Variants in BRD8 observed in about 807,000 individuals in gnomAD.
BRD8 encodes the protein bromodomain containing 8, also known as bromodomain-containing protein 8.
A neutral mutation model predicts 143.1 loss-of-function variants in BRD8; 67 were observed. The observed-to-expected ratio is 0.47, with a 90% confidence interval of 0.38 to 0.57. The LOEUF is 0.57. Among genes scored for constraint, BRD8 ranks in the 20% least tolerant of loss-of-function variants. The pLI is 0.00. For missense variants in BRD8, 1,103 were observed against 1,503.0 expected, an observed-to-expected ratio of 0.73 and a Z score of 4.40; for synonymous variants, 505 against 517.1, an observed-to-expected ratio of 0.98 and a Z score of 0.32.
At chr5:138,149,835 T>C in intron 22 of BRD8, 38 bp from the exon 23 acceptor site, 1 of 1,566,402 alleles carries the variant, frequency 6.4e-7, no homozygotes, top group South Asian at 1.2e-5. Context: ...TAGAAGGAGA[T>C]TTACTTTCTG....
At chr5:138,141,132 ATT>A (rs34463315) in intron 25 of BRD8, among the ~76,000 whole-genome samples, 41 of 144,564 alleles carry the variant, frequency 2.8e-4, no homozygotes, top group African/African-American at 8.4e-4. Flanking sequence ...TTAATATCTC[ATT>A]TTTTTTTTTT....
chr5:138,156,144 AT>A (rs34113515), intron 20 of BRD8, among the ~76,000 whole-genome samples: 2,993 of 141,040 alleles, frequency 0.021, 57 homozygotes, highest in Non-Finnish European at 0.029. Context: ...GTGTTGGGCT[AT>A]TTTTTTTTTT....
chr5:138,156,825 TACACACACAC>T (rs67288912), intron 20 of BRD8: 612 of 803,108 alleles, frequency 7.6e-4, no homozygotes, highest in African/African-American at 6.5e-3. Context: ...AAGTTTCAAA[TACACACACAC>T]ACACACACAC....
intron 20 of BRD8, among the ~76,000 whole-genome samples, chr5:138,154,821 A>C (rs1752511839): frequency 6.6e-6 from 1 of 151,688 alleles, no homozygotes; most frequent in African/African-American, 2.4e-5. Context: ...TATAATAAAA[A>C]GTTCATAACT....
In BRD8 at chr5:138,140,842, C is replaced by T. The variant is rs1158965103; in HGVS notation, c.3478G>A (p.Gly1160Ser). The change falls in exon 26 of 27, where the codon GGT (glycine) becomes AGT (serine). Residue 1160 changes from glycine to serine, a missense_variant. This residue lies in a region of BRD8 where 369 missense variants were observed against 445.5 expected (regional missense o/e 0.83). Coordinates refer to ENST00000254900, the MANE Select transcript of BRD8 (RefSeq NM_139199.2). ...LTSLKRNLSK[G>S]RIRTMAQFLR... ...AATTGGGCCATGGTGCGAATCCGAC[C>T]CTTAGAGAGATTTCTCTTCAGGCTA... 1 of 1,614,132 alleles carries T rather than the reference C, an allele frequency of 6.2e-7. No homozygotes were observed. The highest frequency in any genetic ancestry group is 1.1e-5 in the South Asian group (1 of 91,080).
At chr5:138,145,326 G>A in intron 24 of BRD8, 81 bp from the exon 25 acceptor site, 2 of 1,279,188 alleles carry the variant, frequency 1.6e-6, no homozygotes, top group Non-Finnish European at 2.2e-6. Flanking sequence ...GTTCTTAGTA[G>A]ACTTCCTTTA....
intron 20 of BRD8, among the ~76,000 whole-genome samples, 180 bp downstream of exon 20, chr5:138,159,375 C>T (rs918521090): frequency 3.3e-5 from 5 of 151,914 alleles, no homozygotes; most frequent in Admixed American, 6.6e-5. Flanking sequence ...CCCACACACA[C>T]ACACACATGC....
At chr5:138,145,116 A>G in intron 25 of BRD8, 61 bp downstream of exon 25, 1 of 1,480,272 alleles carries the variant, frequency 6.8e-7, no homozygotes, top group Non-Finnish European at 9.3e-7. Context: ...CAGATGGGAA[A>G]TAAAAAATGA....
At chr5:138,147,973 A>T (rs188036514) in intron 23 of BRD8, among the ~76,000 whole-genome samples, 1 of 147,124 alleles carries the variant, frequency 6.8e-6, no homozygotes, top group Admixed American at 6.9e-5. Flanking sequence ...GTTTCCTGTT[A>T]AAAAAAAACA....
At chr5:138,145,912 A>T (rs778391642) in intron 23 of BRD8, 34 bp from the exon 24 acceptor site, 6 of 1,550,978 alleles carry the variant, frequency 3.9e-6, no homozygotes, top group Non-Finnish European at 5.3e-6. Flanking sequence ...AAGAGACAGT[A>T]ACTTCACAAA....
At chr5:138,171,312 A>C (rs772939058) in intron 4 of BRD8, 49 bp downstream of exon 4, 1 of 1,500,308 alleles carries the variant, frequency 6.7e-7, no homozygotes, top group African/African-American at 1.4e-5. Context: ...TCCTCAGTAA[A>C]TACTCTCCAC....
At chr5:138,159,398 A>C (rs1752831380) in intron 20 of BRD8, among the ~76,000 whole-genome samples, 157 bp downstream of exon 20, 2 of 152,128 alleles carry the variant, frequency 1.3e-5, no homozygotes, top group African/African-American at 4.8e-5. Context: ...AAAGACAGGA[A>C]TGCAGAAGAA....
At position 138,150,860 on chromosome 5, in the gene BRD8, G is replaced by C. The variant is rs1752347512; in HGVS notation, c.3005C>G (p.Ala1002Gly). 6.2e-7 allele frequency: 1 copy of C among 1,614,176 alleles called. No homozygotes were observed. The highest frequency in any genetic ancestry group is 1.3e-5 in the African/African-American group (1 of 75,038). ...ELCRETEELSAKGDPLVAEKP... is the reference protein window; with the variant it reads ...ELCRETEELSGKGDPLVAEKP... Reference sequence around the variant, plus strand: ...TTCAGCTACTAAGGGGTCTCCTTTAGCTGAAAGCTCTTCAGTCTCTCTGCA... The same window carrying C: ...TTCAGCTACTAAGGGGTCTCCTTTACCTGAAAGCTCTTCAGTCTCTCTGCA... The change falls in exon 22 of 27, where the codon GCT (alanine) becomes GGT (glycine). Residue 1002 changes from alanine (A) to glycine (G), a missense_variant. This residue lies in a region of BRD8 where 369 missense variants were observed against 445.5 expected (regional missense o/e 0.83). Transcript: ENST00000254900.
At position 138,149,658 on chromosome 5, in the gene BRD8, T is replaced by C; in HGVS notation, c.3260A>G (p.His1087Arg). ...CGCTTACAGCTTTGAGGAGGTAGCA[T>C]GGCTGAAAAGTGTATCCACCAAGGG... is the stretch of plus-strand genomic sequence containing the variant. ...ETPLVDTLFS[H>R]ATSSKLTDLS... Residue 1087 changes from histidine to arginine, a missense_variant, in exon 23 of 27, where the codon CAT becomes CGT. Around this residue, in one of 7 missense-constraint regions of BRD8, gnomAD observed 369 missense variants for 445.5 expected, o/e 0.83. Transcript: ENST00000254900. 6.2e-7 allele frequency: 1 copy of C among 1,608,246 alleles called. No homozygotes were observed. The highest frequency in any genetic ancestry group is 8.5e-7 in the Non-Finnish European group (1 of 1,177,996).
intron 21 of BRD8, 79 bp from the exon 22 acceptor site, chr5:138,151,087 A>T: frequency 3.3e-6 from 5 of 1,510,856 alleles, no homozygotes; most frequent in Non-Finnish European, 4.5e-6. Flanking sequence ...GCCACATGCT[A>T]ACACTGTCAC....
chr5:138,169,370 AAG>A lies in BRD8; in HGVS notation c.506-14_506-13del. On this transcript the variant is annotated splice_polypyrimidine_tract_variant and intron_variant, in intron 7 of 26. Transcript: ENST00000254900. ...TACTGCTTGACGAGCTAGAACATAAAAGAGAACAATGTCCAAATCTTCAAGAT... is the reference window on the plus strand; with the variant it reads ...TACTGCTTGACGAGCTAGAACATAAAAGAACAATGTCCAAATCTTCAAGAT... 6.2e-7 allele frequency: 1 copy of A among 1,612,132 alleles called. No individual in the cohort carries two copies. Among genetic ancestry groups the A allele is most frequent in the Non-Finnish European group, 8.5e-7 (1 of 1,179,280 alleles).
At position 138,152,753 on chromosome 5, in the gene BRD8, T is replaced by G. The variant is rs762397400; in HGVS notation, c.2585A>C (p.His862Pro). The G allele has an allele frequency of 6.2e-7, 1 of 1,612,846 alleles. No homozygotes were observed. Among genetic ancestry groups the G allele is most frequent in the Admixed American group, 1.7e-5 (1 of 59,976 alleles). Residue 862 changes from histidine to proline, a missense_variant, in exon 21 of 27, where the codon CAC becomes CCC. Physicochemically the swap from His to Pro is moderately conservative, Grantham distance 77. Around this residue, in one of 7 missense-constraint regions of BRD8, gnomAD observed 369 missense variants for 445.5 expected, o/e 0.83. Coordinates refer to ENST00000254900, the MANE Select transcript of BRD8 (RefSeq NM_139199.2). The stretch of plus-strand genomic sequence containing the variant: ...TTCAGAATCCAGCCAAACCCACTCG[T>G]GTCCCATCTGTAAATACACAGGAAA... Reference protein sequence around the residue: ...PAFLLSLFMGHEWVWLDSEQD... With the variant: ...PAFLLSLFMGPEWVWLDSEQD...
chr5:138,160,008 G>T, intron 19 of BRD8, 61 bp downstream of exon 19: 2 of 1,272,120 alleles, frequency 1.6e-6, no homozygotes, highest in Non-Finnish European at 2.3e-6. Flanking sequence ...AAGGGTCCTT[G>T]GATGCTTCAG....
intron 3 of BRD8, 104 bp downstream of exon 3, chr5:138,171,961 C>A: frequency 2.3e-6 from 2 of 853,004 alleles, no homozygotes; most frequent in South Asian, 1.4e-5. Context: ...ACTATTTTCC[C>A]ACATCATGGT....
Sources: gnomAD v4.1 joint callset for allele counts (sites outside exome capture counted in the v4.1 genomes callset) on GRCh38, gnomAD v4.1.1 for gene constraint, gnomAD v4.1.1 regional missense constraint, MANE v1.5 for transcripts, NCBI Gene and HGNC (gene_info 2026-07-23, HGNC 2026-07-21) for gene names.